Variants in ZNF736 observed in about 807,000 individuals in gnomAD.
ZNF736 encodes zinc finger protein 736, also known as KRAB-containing zinc-finger repressor protein.
Under a neutral mutation model 11.7 loss-of-function variants are expected in ZNF736, and 6 were observed. The observed-to-expected ratio is 0.51, with a 90% CI of 0.28 to 1.01. ZNF736 has a LOEUF of 1.01. Among genes scored for constraint, ZNF736 ranks in the 50% least tolerant of loss-of-function variants. The probability of loss-of-function intolerance (pLI) is 0.09; values close to 1 mark genes in which losing one functional copy is unlikely to be tolerated. For missense variants in ZNF736, 444 were observed against 496.0 expected, an observed-to-expected ratio of 0.90 and a Z score of 1.00; for synonymous variants, 139 against 164.7, an observed-to-expected ratio of 0.84 and a Z score of 1.19.
At chr7:64,321,619 G>C (rs549370629) in intron 1 of ZNF736, among the ~76,000 whole-genome samples, 1 of 152,286 alleles carries the variant, frequency 6.6e-6, no homozygotes, top group East Asian at 1.9e-4. Context: ...CTCAAGCAAA[G>C]TCTTGACCTC....
At chr7:64,327,897 T>C (rs1162606132) in intron 1 of ZNF736, among the ~76,000 whole-genome samples, 1 of 152,226 alleles carries the variant, frequency 6.6e-6, no homozygotes, top group Non-Finnish European at 1.5e-5. Context: ...TCTTATACTG[T>C]CTATGTCTTA....
In ZNF736 at chr7:64,336,985, A is replaced by G; in HGVS notation, c.226+3A>G. 1 of 1,597,716 alleles carries G rather than the reference A, an allele frequency of 6.3e-7. No individual in the cohort carries two copies. ...GGAGGCAGTAGCCAAACACCCAGGT[A>G]GGTGGGAGTGAATGAAGCAGATGAC... is the stretch of plus-strand genomic sequence containing the variant. On this transcript the variant is annotated splice_donor_region_variant and intron_variant, in intron 3 of 3. Coordinates refer to ENST00000423484, the MANE Select transcript of ZNF736 (RefSeq NM_001170905.3).
chr7:64,338,536 A>G (rs1427581188), intron 3 of ZNF736, among the ~76,000 whole-genome samples: 1 of 151,800 alleles, frequency 6.6e-6, no homozygotes, highest in East Asian at 1.9e-4. Flanking sequence ...TCACCTCTAT[A>G]CTCTCTTCTT....
chr7:64,314,046 G>A lies in ZNF736; in HGVS notation c.-105G>A, dbSNP rs1788875536. ...GCGTCTCCACTGTTCCATCTCCTCC[G>A]TTCCTGGAGTTCCTCGGTGACTCTA... is the stretch of plus-strand genomic sequence containing the variant. On this transcript the variant is annotated 5_prime_UTR_variant, in exon 1 of 4. Coordinates refer to ENST00000423484, the MANE Select transcript of ZNF736 (RefSeq NM_001170905.3). The A allele has an allele frequency of 6.7e-7, 1 of 1,485,550 alleles. No homozygotes were observed. The highest frequency in any genetic ancestry group is 1.2e-5 in the South Asian group (1 of 82,730). The allele number at this position is 1,485,550 out of a possible 1,614,324, so 92.0% of individuals were successfully genotyped here. A position where few individuals can be genotyped will look rare whatever the true frequency, so the allele number is the denominator to read the frequency against.
In ZNF736 at chr7:64,354,625, G is replaced by A. The variant is rs189361239; in HGVS notation, c.*5478G>A. 2 of 152,102 alleles carry A rather than the reference G, an allele frequency of 1.3e-5. No individual in the cohort carries two copies. Among genetic ancestry groups the A allele is most frequent in the African/African-American group, 4.8e-5 (2 of 41,506 alleles). The allele number at this position is 152,102 out of a possible 1,614,324, so 9.4% of individuals were successfully genotyped here. A position where few individuals can be genotyped will look rare whatever the true frequency, so the allele number is the denominator to read the frequency against. ...ATTTTCTTTTCATAAAACATTCTTT[G>A]TATAATCACCTCAGAGATTATGAAA... On this transcript the variant is annotated 3_prime_UTR_variant, in exon 4 of 4. Transcript: ENST00000423484.
intron 3 of ZNF736, among the ~76,000 whole-genome samples, chr7:64,343,953 CTTTTTTTT>C (rs142010013): frequency 6.8e-6 from 1 of 147,982 alleles, no homozygotes; most frequent in South Asian, 2.1e-4. Context: ...TGTATATTTG[CTTTTTTTT>C]TTTTTATTTT....
At chr7:64,333,088 G>T (rs1449724613) in intron 1 of ZNF736, among the ~76,000 whole-genome samples, 1 of 152,172 alleles carries the variant, frequency 6.6e-6, no homozygotes, top group Non-Finnish European at 1.5e-5. Context: ...ACAGGCATAA[G>T]AAATTACAAA....
At chr7:64,314,260 T>TGCATCCCCGAGTCC (rs745511666) in intron 1 of ZNF736, 107 bp downstream of exon 1, 3 of 1,410,554 alleles carry the variant, frequency 2.1e-6, no homozygotes, top group Non-Finnish European at 2.9e-6. Flanking sequence ...CTCTGGAGTC[T>TGCATCCCCGAGTCC]GCATCCCCGA....
At position 64,353,803 on chromosome 7, in the gene ZNF736, G is replaced by A. The variant is rs1789521418; in HGVS notation, c.*4656G>A. On this transcript the variant is annotated 3_prime_UTR_variant, in exon 4 of 4. Transcript: ENST00000423484. The stretch of plus-strand genomic sequence containing the variant: ...AGAGAAACAATTTGAATTTTAGAAG[G>A]AAATTGCCTTACCATTTGCAAATTA... The A allele has an allele frequency of 2.6e-5, 4 of 152,204 alleles. No individual in the cohort carries two copies. The highest frequency in any genetic ancestry group is 2.6e-4 in the Admixed American group (4 of 15,282). 9.4% of individuals were successfully genotyped at this position (152,204 alleles called of 1,614,324 possible).
At position 64,340,195 on chromosome 7, in the gene ZNF736, T is replaced by C. The variant is rs79081194; in HGVS notation, c.226+3213T>C. ...GGCAAGATTTCCCCAAGTAACTCTT[T>C]GAGTACTTAAGTTGGCAGAACTTGC... On this transcript the variant is annotated intron_variant, in intron 3 of 3. Coordinates refer to ENST00000423484, the MANE Select transcript of ZNF736 (RefSeq NM_001170905.3). Among the ~76,000 whole-genome samples the C allele has an allele frequency of 5.9e-3, 898 of 152,334 alleles. 3 individuals carry two copies. The highest frequency in any genetic ancestry group is 1.0e-2 in the Non-Finnish European group (678 of 68,028).
intron 1 of ZNF736, among the ~76,000 whole-genome samples, chr7:64,325,948 AG>A (rs1304123485): frequency 3.3e-5 from 5 of 152,172 alleles, no homozygotes. Context: ...ATATACATAT[AG>A]GCTTCTCAAT....
chr7:64,354,050 G>C lies in ZNF736; in HGVS notation c.*4903G>C, dbSNP rs1299061847. On this transcript the variant is annotated 3_prime_UTR_variant, in exon 4 of 4. Coordinates refer to ENST00000423484, the MANE Select transcript of ZNF736 (RefSeq NM_001170905.3). ...AACATCTCTAGTGATCCCTTTGTCA[G>C]TGGTCTTTAACTTAAAATAATTTAG... The C allele has an allele frequency of 1.3e-5, 2 of 152,158 alleles. No homozygotes were observed. Among genetic ancestry groups the C allele is most frequent in the African/African-American group, 4.8e-5 (2 of 41,434 alleles). The allele number at this position is 152,158 out of a possible 1,614,324, so 9.4% of individuals were successfully genotyped here. A position where few individuals can be genotyped will look rare whatever the true frequency, so the allele number is the denominator to read the frequency against.
chr7:64,314,097 T>C lies in ZNF736; in HGVS notation c.-54T>C. 1.3e-6 allele frequency: 2 copies of C among 1,551,424 alleles called. No homozygotes were observed. Among genetic ancestry groups the C allele is most frequent in the Non-Finnish European group, 1.7e-6 (2 of 1,146,840 alleles). Reference sequence around the variant, plus strand: ...CTATAGCTTCTGTTATCCTGTGACCTGCAGGTACTGGGAGATCCATAGGGA... The same window carrying C: ...CTATAGCTTCTGTTATCCTGTGACCCGCAGGTACTGGGAGATCCATAGGGA... On this transcript the variant is annotated 5_prime_UTR_variant, in exon 1 of 4. Transcript: ENST00000423484.
At chr7:64,342,281 A>G (rs936037078) in intron 3 of ZNF736, among the ~76,000 whole-genome samples, 24 of 152,144 alleles carry the variant, frequency 1.6e-4, no homozygotes, top group Admixed American at 1.2e-3. Context: ...TCTGCTTTAT[A>G]ATTTCCAATC....
intron 1 of ZNF736, among the ~76,000 whole-genome samples, chr7:64,325,918 AT>A (rs1228232700): frequency 2.0e-5 from 3 of 152,082 alleles, no homozygotes; most frequent in Non-Finnish European, 4.4e-5. Context: ...GCCAATTTAA[AT>A]TTTCATTGAA....
At chr7:64,335,230 A>G (rs1352477511) in intron 1 of ZNF736, among the ~76,000 whole-genome samples, 1 of 152,162 alleles carries the variant, frequency 6.6e-6, no homozygotes, top group Non-Finnish European at 1.5e-5. Flanking sequence ...TGATAGGTGC[A>G]GCAATCCACC....
In ZNF736 at chr7:64,349,490, C is replaced by T. The variant is rs964830698; in HGVS notation, c.*343C>T. 6.4e-5 allele frequency: 12 copies of T among 186,472 alleles called. No individual in the cohort carries two copies. The highest frequency in any genetic ancestry group is 2.8e-4 in the African/African-American group (12 of 42,352). 11.6% of individuals were successfully genotyped at this position (186,472 alleles called of 1,614,324 possible). A position where few individuals can be genotyped will look rare whatever the true frequency, so the allele number is the denominator to read the frequency against. On this transcript the variant is annotated 3_prime_UTR_variant, in exon 4 of 4. Coordinates refer to ENST00000423484, the MANE Select transcript of ZNF736 (RefSeq NM_001170905.3). ...TTTGAGATGGGTGTCTTGATTAAAG[C>T]ATACCATTAGATCTTGATTCTTTTT...
At chr7:64,335,029 A>T (rs1295848862) in intron 1 of ZNF736, among the ~76,000 whole-genome samples, 32 of 149,612 alleles carry the variant, frequency 2.1e-4, no homozygotes, top group Non-Finnish European at 1.5e-5. Context: ...GCAAACTAAC[A>T]AACTAACACA....
Position 64,339,774 on chromosome 7 carries a change from TTGTAATTCCATA to T in ZNF736, c.226+2794_226+2805del, listed in dbSNP as rs1789310723. On this transcript the variant is annotated intron_variant, in intron 3 of 3. Coordinates refer to ENST00000423484, the MANE Select transcript of ZNF736 (RefSeq NM_001170905.3). The stretch of plus-strand genomic sequence containing the variant: ...AACTGCTTTGGATATTCAGTGTTTC[TTGTAATTCCATA>T]TAAATTTTAAGATTGAATTTTCTAT... Among the ~76,000 whole-genome samples, 10 of 137,100 alleles carry T rather than the reference TTGTAATTCCATA, an allele frequency of 7.3e-5. 3 individuals are homozygous for T. Among genetic ancestry groups the T allele is most frequent in the South Asian group, 4.8e-4 (2 of 4,124 alleles). The allele number at this position is 137,100 out of a possible 152,430, so 89.9% of individuals were successfully genotyped here.
Sources: gnomAD v4.1 joint callset for allele counts (sites outside exome capture counted in the v4.1 genomes callset) on GRCh38, gnomAD v4.1.1 for gene constraint, MANE v1.5 for transcripts, NCBI Gene and HGNC (gene_info 2026-07-23, HGNC 2026-07-21) for gene names.